COL3A1: variants seen among roughly 807,000 people sequenced by gnomAD.
COL3A1 encodes the protein collagen type III alpha 1 chain.
COL3A1 carries 46 observed loss-of-function variants against 200.9 expected under a neutral mutation model. The observed-to-expected ratio is 0.23, with a 90% CI of 0.18 to 0.29. COL3A1 has a LOEUF of 0.29. Among genes scored for constraint, COL3A1 ranks in the 10% least tolerant of loss-of-function variants. COL3A1 has a pLI of 1.00. For synonymous variants in COL3A1, 650 were observed against 628.0 expected, an observed-to-expected ratio of 1.03 and a Z score of -0.52; for missense variants, 1,367 against 1,917.6, an observed-to-expected ratio of 0.71 and a Z score of 5.36.
intron 8 of COL3A1, 62 bp downstream of exon 8, chr2:188,989,511 A>T (rs898529214): frequency 1.7e-6 from 2 of 1,178,332 alleles, no homozygotes; most frequent in African/African-American, 3.1e-5. Context: ...TCTAAACAGT[A>T]TATGCTTTAT....
Position 189,003,054 on chromosome 2 carries a change from G to T in COL3A1, c.2545G>T (p.Gly849Ter). ...AGTTGCAGGACCCCCTGGAGGTTCT[G>T]GACCTGCTGTAAGTTCCTTCCTCTT... The part of the protein sequence containing the change: ...PGVAGPPGGS[G>*]PAGPPGPQGV... The change falls in exon 36 of 51, where the codon GGA becomes TGA. Residue 849 changes from glycine (G) to a stop codon, truncating the protein, a stop_gained. Transcript: ENST00000304636. LOFTEE classifies it high-confidence loss of function. The T allele has an allele frequency of 6.4e-7, 1 of 1,550,718 alleles. No individual in the cohort carries two copies. Among genetic ancestry groups the T allele is most frequent in the Middle Eastern group, 1.7e-4 (1 of 5,982 alleles).
Position 189,012,043 on chromosome 2 carries a change from C to A in COL3A1, c.*269C>A, listed in dbSNP as rs1426684772. 2.1e-6 allele frequency: 1 copy of A among 465,520 alleles called. No individual in the cohort carries two copies. The highest frequency in any genetic ancestry group is 4.2e-5 in the East Asian group (1 of 23,578). The allele number at this position is 465,520 out of a possible 1,614,324, so 28.8% of individuals were successfully genotyped here. On this transcript the variant is annotated 3_prime_UTR_variant, in exon 51 of 51. Transcript: ENST00000304636. ...GTGCTATAATAAATAAACTTCAACA[C>A]TCTTTATGATAACAACACTGTGTTA... is the stretch of plus-strand genomic sequence containing the variant.
At chr2:188,998,634 A>T in intron 28 of COL3A1, 40 bp from the exon 29 acceptor site, 2 of 1,591,524 alleles carry the variant, frequency 1.3e-6, no homozygotes, top group Non-Finnish European at 1.7e-6. Context: ...CATAAAATGC[A>T]CTCTGATATG....
chr2:189,002,136 C>A (rs1020197814), intron 34 of COL3A1, among the ~76,000 whole-genome samples, 162 bp from the exon 35 acceptor site: 1 of 152,102 alleles, frequency 6.6e-6, no homozygotes, highest in Non-Finnish European at 1.5e-5. Context: ...ATTTTCCACT[C>A]CTAATTTTAT....
In COL3A1 at chr2:188,990,137, G is replaced by A; in HGVS notation, c.732G>A (p.Leu244=). The A allele has an allele frequency of 6.2e-7, 1 of 1,613,628 alleles. No homozygotes were observed. The highest frequency in any genetic ancestry group is 1.3e-5 in the African/African-American group (1 of 75,012). Residue 244 remains leucine (L), a synonymous_variant, in exon 9 of 51, where the codon TTG becomes TTA. Coordinates refer to ENST00000304636, the MANE Select transcript of COL3A1 (RefSeq NM_000090.4). ...GRPGRPGERG[L]PGPPGIKGPA... is the part of the protein sequence containing the mutation. ...CCGGACGACCTGGAGAGCGAGGATT[G>A]CCTGGACCTCCAGTGAGTCTTCAGC...
chr2:189,008,310 A>G (rs1297389477), intron 47 of COL3A1, 168 bp downstream of exon 47: 8 of 692,856 alleles, frequency 1.2e-5, no homozygotes, highest in East Asian at 2.7e-5. Context: ...AAATGTTTCT[A>G]CCACACTATA....
intron 41 of COL3A1, 73 bp from the exon 42 acceptor site, chr2:189,006,133 C>T (rs931486603): frequency 6.7e-7 from 1 of 1,487,254 alleles, no homozygotes; most frequent in South Asian, 1.1e-5. Context: ...TATTGCCCTG[C>T]TGAGAATGCA....
intron 1 of COL3A1, among the ~76,000 whole-genome samples, chr2:188,981,121 A>G (rs2153500936): frequency 6.6e-6 from 1 of 151,628 alleles, no homozygotes; most frequent in African/African-American, 2.4e-5. Flanking sequence ...GATTTCTTCA[A>G]GTCAGCATGA....
intron 10 of COL3A1, among the ~76,000 whole-genome samples, 199 bp from the exon 11 acceptor site, chr2:188,990,805 A>G (rs1294535145): frequency 6.6e-6 from 1 of 152,158 alleles, no homozygotes; most frequent in Non-Finnish European, 1.5e-5. Flanking sequence ...ACTAAATTGC[A>G]CTTTCTAGTT....
chr2:188,985,293 T>C, intron 3 of COL3A1, 46 bp downstream of exon 3: 1 of 1,480,642 alleles, frequency 6.8e-7, no homozygotes, highest in Non-Finnish European at 9.4e-7. Context: ...CTAATGATAA[T>C]TCTAGTAAGA....
At chr2:188,978,756 CA>C (rs55694521) in intron 1 of COL3A1, among the ~76,000 whole-genome samples, 70,676 of 87,680 alleles carry the variant, frequency 0.81, 27,704 homozygotes, top group East Asian at 0.93. Flanking sequence ...TTTCCACACT[CA>C]AAAAAAAAAA....
chr2:188,993,496 C>A, intron 16 of COL3A1, 37 bp downstream of exon 16: 1 of 1,410,364 alleles, frequency 7.1e-7, no homozygotes, highest in Non-Finnish European at 9.7e-7. Context: ...AGCATAGTTT[C>A]ATGCTTACTC....
At position 189,008,106 on chromosome 2, in the gene COL3A1, A is replaced by G; in HGVS notation, c.3489A>G (p.Pro1163=). 6.2e-7 allele frequency: 1 copy of G among 1,613,790 alleles called. No individual in the cohort carries two copies. Among genetic ancestry groups the G allele is most frequent in the Non-Finnish European group, 8.5e-7 (1 of 1,179,814 alleles). The change falls in exon 47 of 51, where the codon CCA becomes CCG. Residue 1163 remains proline (P), a synonymous_variant. Transcript: ENST00000304636. The stretch of plus-strand genomic sequence containing the variant: ...GACATCCAGGTCCCATTGGACCACC[A>G]GGGCCTCGAGGTAACAGAGGTGAAA... ...TSGHPGPIGP[P]GPRGNRGERG...
intron 1 of COL3A1, chr2:188,978,150 C>T: frequency 4.4e-6 from 1 of 229,250 alleles, no homozygotes; most frequent in Non-Finnish European, 1.0e-5. Context: ...GATCTAAAGG[C>T]CTACATATAA....
chr2:188,986,910 A>G, intron 4 of COL3A1, 149 bp from the exon 5 acceptor site: 1 of 707,278 alleles, frequency 1.4e-6, no homozygotes, highest in Admixed American at 2.1e-5. Context: ...GACACGATAA[A>G]CAAGATAATT....
chr2:188,981,490 T>C (rs1261597834), intron 1 of COL3A1, among the ~76,000 whole-genome samples: 1 of 151,562 alleles, frequency 6.6e-6, no homozygotes, highest in Non-Finnish European at 1.5e-5. Flanking sequence ...ATAATGGAAA[T>C]AATTGGAAAG....
At position 188,984,884 on chromosome 2, in the gene COL3A1, C is replaced by T. The variant is rs368299739; in HGVS notation, c.204C>T (p.Asp68=). ...GSVLCDDIIC[D]DQELDCPNPE... ...TTCTCTGCGATGACATAATATGTGA[C>T]GATCAAGAATTAGACTGCCCCAACC... Residue 68 remains aspartate, a synonymous_variant, in exon 2 of 51, where the codon GAC becomes GAT. Coordinates refer to ENST00000304636, the MANE Select transcript of COL3A1 (RefSeq NM_000090.4). The T allele has an allele frequency of 2.9e-5, 47 of 1,613,092 alleles. No homozygotes were observed. Among genetic ancestry groups the T allele is most frequent in the East Asian group, 1.6e-4 (7 of 44,846 alleles).
chr2:188,977,977 T>C, intron 1 of COL3A1: 1 of 305,534 alleles, frequency 3.3e-6, no homozygotes, highest in South Asian at 2.7e-5. Context: ...TTATAACACT[T>C]TGTGTTTTTC....
chr2:189,005,683 A>C (rs1306416350), intron 41 of COL3A1: 1 of 566,728 alleles, frequency 1.8e-6, no homozygotes. Flanking sequence ...TATTATCTCT[A>C]ACTAAATTAG....
Sources: gnomAD v4.1 joint callset for allele counts (sites outside exome capture counted in the v4.1 genomes callset) on GRCh38, gnomAD v4.1.1 for gene constraint, MANE v1.5 for transcripts, NCBI Gene and HGNC (gene_info 2026-07-23, HGNC 2026-07-21) for gene names.